The following RTL4 variants were observed in gnomAD, a reference collection of about 807,000 sequenced individuals.
The protein encoded by RTL4 is retrotransposon Gag like 4, also known as retrotransposon Gag-like protein 4.
A neutral mutation model predicts 5.3 loss-of-function variants in RTL4; 4 were observed. That is an observed-to-expected ratio of 0.75 (90% CI 0.37 to 1.72). The LOEUF (loss-of-function observed/expected upper bound fraction) is 1.72, where lower values mean the gene tolerates loss of function less well. Among genes scored for constraint, RTL4 ranks in the 40% most tolerant of loss-of-function variants. The pLI, the probability that RTL4 is intolerant of heterozygous loss-of-function variation, is 0.04. For synonymous variants in RTL4, 98 were observed against 87.3 expected (o/e 1.12, Z -0.68); for missense variants, 260 against 227.1 (o/e 1.14, Z -0.93).
the RTL4 span, among the ~76,000 whole-genome samples, chrX:112,151,092 G>T: frequency 2.7e-5 from 3 of 111,927 alleles, no homozygotes; most frequent in East Asian, 2.8e-4. Context: ...GTACATCAAA[G>T]AATTTAAATC....
At chrX:112,445,429 C>T in the RTL4 span, among the ~76,000 whole-genome samples, 1 of 112,066 alleles carries the variant, frequency 8.9e-6, no homozygotes, top group South Asian at 3.7e-4. Context: ...AGTTTCACAT[C>T]TACTCTTATT....
At chrX:112,188,048 C>T in the RTL4 span, among the ~76,000 whole-genome samples, 4 of 111,416 alleles carry the variant, frequency 3.6e-5, no homozygotes, top group Non-Finnish European at 5.7e-5. Context: ...ATCTACTAGG[C>T]GCCAGACACA....
At chrX:112,240,899 A>T in the RTL4 span, among the ~76,000 whole-genome samples, 44 of 110,183 alleles carry the variant, frequency 4.0e-4, no homozygotes, top group African/African-American at 1.5e-3. Context: ...ATTCCCACCT[A>T]TGAGTGAGAA....
chrX:112,280,452 A>G, the RTL4 span, among the ~76,000 whole-genome samples: 1 of 111,211 alleles, frequency 9.0e-6, no homozygotes, highest in East Asian at 2.8e-4. Flanking sequence ...ACATGTATCC[A>G]CTGAATCTAA....
the RTL4 span, among the ~76,000 whole-genome samples, chrX:112,445,619 C>G: frequency 9.0e-6 from 1 of 111,435 alleles, no homozygotes; most frequent in Non-Finnish European, 1.9e-5. Context: ...ATTCTTATAT[C>G]TCGGACTAAT....
At chrX:112,241,206 C>T in the RTL4 span, among the ~76,000 whole-genome samples, 26,153 of 109,802 alleles carry the variant, frequency 0.24, 2,940 homozygotes, top group African/African-American at 0.44. Flanking sequence ...GGGTATGTAC[C>T]CATTAATGGG....
At chrX:112,369,949 C>G in the RTL4 span, among the ~76,000 whole-genome samples, 2 of 112,115 alleles carry the variant, frequency 1.8e-5, no homozygotes, top group African/African-American at 6.5e-5. Flanking sequence ...AGGTTTTTGA[C>G]TTGAGAAATA....
At chrX:112,090,950 GA>G in the RTL4 span, among the ~76,000 whole-genome samples, 1 of 111,048 alleles carries the variant, frequency 9.0e-6, no homozygotes, top group Non-Finnish European at 1.9e-5. Context: ...GATATTTTCA[GA>G]ATTTCTATTT....
chrX:112,287,716 G>T, the RTL4 span, among the ~76,000 whole-genome samples: 2 of 110,484 alleles, frequency 1.8e-5, no homozygotes. Flanking sequence ...CCAGCAAATT[G>T]TGTTATGTGT....
chrX:112,208,512 A>G, the RTL4 span, among the ~76,000 whole-genome samples: 5 of 112,114 alleles, frequency 4.5e-5, no homozygotes, highest in African/African-American at 1.6e-4. Context: ...AGGAACTAGG[A>G]TACTATTCAA....
chrX:112,353,938 C>T, the RTL4 span, among the ~76,000 whole-genome samples: 1 of 111,136 alleles, frequency 9.0e-6, no homozygotes, highest in Non-Finnish European at 1.9e-5. Flanking sequence ...GCAAATAATA[C>T]AATATTTAGT....
chrX:112,454,242 C>CA (rs759060845), upstream of RTL4, among the ~76,000 whole-genome samples: 3 of 111,692 alleles, frequency 2.7e-5, no homozygotes, highest in African/African-American at 9.8e-5. Context: ...AAAACAATCA[C>CA]AAAAAATCTC....
At chrX:112,289,305 G>A in the RTL4 span, among the ~76,000 whole-genome samples, 1 of 112,200 alleles carries the variant, frequency 8.9e-6, no homozygotes, top group East Asian at 2.8e-4. Context: ...CAAGTCAGTG[G>A]ATGTTTATGA....
At chrX:112,314,385 G>A in the RTL4 span, among the ~76,000 whole-genome samples, 5 of 109,598 alleles carry the variant, frequency 4.6e-5, no homozygotes, top group Admixed American at 1.0e-4. Flanking sequence ...CCCCATCTTG[G>A]TTTGCTGTTT....
At chrX:112,198,834 G>A in the RTL4 span, among the ~76,000 whole-genome samples, 39 of 110,894 alleles carry the variant, frequency 3.5e-4, no homozygotes, top group Middle Eastern at 0.014. Flanking sequence ...GGAGAAATGC[G>A]GAGTGTCATG....
chrX:112,224,883 C>G, the RTL4 span, among the ~76,000 whole-genome samples: 1 of 111,741 alleles, frequency 8.9e-6, no homozygotes, highest in Non-Finnish European at 1.9e-5. Context: ...AGTGTCTGAC[C>G]TATAGCTCTC....
At chrX:112,393,175 T>C in the RTL4 span, among the ~76,000 whole-genome samples, 1 of 98,346 alleles carries the variant, frequency 1.0e-5, no homozygotes, top group Admixed American at 1.1e-4. Context: ...TTTTTTTTTG[T>C]TTGTTTGTTT....
chrX:112,271,740 C>A, the RTL4 span, among the ~76,000 whole-genome samples: 1 of 110,840 alleles, frequency 9.0e-6, no homozygotes, highest in East Asian at 2.8e-4. Flanking sequence ...TAAAAACAAT[C>A]CATTTTGAAT....
chrX:112,358,800 A>C, the RTL4 span, among the ~76,000 whole-genome samples: 16 of 111,858 alleles, frequency 1.4e-4, no homozygotes, highest in African/African-American at 5.2e-4. Flanking sequence ...CCTTTTCACT[A>C]TCCATCACTG....
Sources: allele counts gnomAD v4.1 joint callset (sites outside exome capture counted in the v4.1 genomes callset), GRCh38; gene constraint gnomAD v4.1.1; transcripts MANE v1.5; gene names NCBI Gene and HGNC (gene_info 2026-07-23, HGNC 2026-07-21).